Variants in TMEM245 observed in about 807,000 individuals in gnomAD.
TMEM245 encodes protein CG-2.
A neutral mutation model predicts 101.2 loss-of-function variants in TMEM245; 69 were observed. The ratio of observed to expected loss-of-function variants is 0.68; its 90% CI spans 0.56 to 0.83. TMEM245 has a LOEUF of 0.83. Ranked by LOEUF, TMEM245 falls within the 40% of genes least tolerant of loss-of-function variation. The pLI, the probability that TMEM245 is intolerant of heterozygous loss-of-function variation, is 0.00. For synonymous variants in TMEM245, 537 were observed against 449.8 expected (o/e 1.19, Z -2.45); for missense variants, 1,075 against 1,092.8 (o/e 0.98, Z 0.23).
chr9:109,017,449 AACTCAAACAGC>A lies in TMEM245; in HGVS notation c.*3000_*3010del, dbSNP rs1391379074. 1 of 152,198 alleles carries A rather than the reference AACTCAAACAGC, an allele frequency of 6.6e-6. No homozygotes were observed. Among genetic ancestry groups the A allele is most frequent in the African/African-American group, 2.4e-5 (1 of 41,454 alleles). 9.4% of individuals were successfully genotyped at this position (152,198 alleles called of 1,614,324 possible). ...GAACAGATATTGATAGGAACTTCAG[AACTCAAACAGC>A]ACTCACATAACATGGAATTTATGCT... On this transcript the variant is annotated 3_prime_UTR_variant, in exon 18 of 18. Coordinates refer to ENST00000374586, the MANE Select transcript of TMEM245 (RefSeq NM_032012.4).
At chr9:109,054,354 AACACC>A (rs1164573903) in intron 12 of TMEM245, among the ~76,000 whole-genome samples, 1 of 152,216 alleles carries the variant, frequency 6.6e-6, no homozygotes, top group Admixed American at 6.5e-5. Flanking sequence ...TTGAGGACCT[AACACC>A]ATACTAAATT....
intron 12 of TMEM245, among the ~76,000 whole-genome samples, chr9:109,055,077 C>T (rs529652757): frequency 6.6e-6 from 1 of 152,100 alleles, no homozygotes; most frequent in African/African-American, 2.4e-5. Context: ...CTTCTCTTTC[C>T]GTAAGAATTT....
intron 8 of TMEM245, among the ~76,000 whole-genome samples, chr9:109,078,866 T>TG (rs1466597128): frequency 6.6e-6 from 1 of 152,214 alleles, no homozygotes; most frequent in Non-Finnish European, 1.5e-5. Context: ...TCTCATCTTC[T>TG]GGGATGCTTA....
At position 109,113,083 on chromosome 9, in the gene TMEM245, C is replaced by T. The variant is rs1276306128; in HGVS notation, c.580-4513G>A. On this transcript the variant is annotated intron_variant, in intron 1 of 17. Transcript: ENST00000374586. ...AGAGCAAGGCTCCATCTCAGCGGGG[C>T]CAGGGGCAGGGCGGGGGAAGGAAAG... 2.0e-5 allele frequency among the ~76,000 whole-genome samples: 3 copies of T among 152,082 alleles called. No individual in the cohort carries two copies. The East Asian group carries it at 5.8e-4, about 29-fold the overall frequency.
intron 12 of TMEM245, among the ~76,000 whole-genome samples, chr9:109,052,863 T>C (rs1193623366): frequency 6.6e-6 from 1 of 152,200 alleles, no homozygotes; most frequent in East Asian, 1.9e-4. Context: ...TATCTTGTGG[T>C]AATTCTTAAG....
chr9:109,116,625 G>A (rs1830730965), intron 1 of TMEM245, among the ~76,000 whole-genome samples: 1 of 151,692 alleles, frequency 6.6e-6, no homozygotes, highest in Non-Finnish European at 1.5e-5. Context: ...TCCAACTCTT[G>A]GGTTCAAGAG....
At chr9:109,096,135 A>T (rs1353499475) in intron 3 of TMEM245, among the ~76,000 whole-genome samples, 3 of 152,226 alleles carry the variant, frequency 2.0e-5, no homozygotes, top group Non-Finnish European at 4.4e-5. Context: ...GCAGAGCTGG[A>T]TGAAGATTCT....
chr9:109,062,655 G>A (rs1588044454), intron 10 of TMEM245, among the ~76,000 whole-genome samples: 1 of 152,162 alleles, frequency 6.6e-6, no homozygotes, highest in African/African-American at 2.4e-5. Context: ...TTCATAAACT[G>A]AAAACTAAAT....
chr9:109,031,361 A>G (rs895493165), intron 17 of TMEM245, among the ~76,000 whole-genome samples: 1 of 152,240 alleles, frequency 6.6e-6, no homozygotes, highest in African/African-American at 2.4e-5. Context: ...CCAAATATCT[A>G]TTAGTCCTAC....
chr9:109,060,228 T>A, intron 11 of TMEM245, 126 bp downstream of exon 11: 2 of 686,130 alleles, frequency 2.9e-6, no homozygotes, highest in Non-Finnish European at 4.8e-6. Context: ...ACCTGAGGCT[T>A]AAGGTTTTGC....
intron 14 of TMEM245, chr9:109,046,408 C>A: frequency 2.5e-6 from 1 of 406,806 alleles, no homozygotes; most frequent in South Asian, 1.9e-5. Flanking sequence ...AGGATGCATG[C>A]CACTGACTCA....
At chr9:109,068,317 C>G (rs1829231016) in intron 9 of TMEM245, among the ~76,000 whole-genome samples, 1 of 150,714 alleles carries the variant, frequency 6.6e-6, no homozygotes, top group Non-Finnish European at 1.5e-5. Context: ...TTGCATTGAG[C>G]CAAGATCGCG....
intron 1 of TMEM245, among the ~76,000 whole-genome samples, chr9:109,118,175 C>G (rs1830780516): frequency 6.6e-6 from 1 of 152,204 alleles, no homozygotes; most frequent in South Asian, 2.1e-4. Context: ...AAGCCCAACA[C>G]CTAACATATG....
Position 109,015,274 on chromosome 9 carries a change from T to C in TMEM245, c.*5186A>G, listed in dbSNP as rs1026607720. ...AGCATTTGTGTGAGAACAGAGGGTATTTATTGTATTCGAATATTCTTTTTT... is the reference window on the plus strand; with the variant it reads ...AGCATTTGTGTGAGAACAGAGGGTACTTATTGTATTCGAATATTCTTTTTT... On this transcript the variant is annotated 3_prime_UTR_variant, in exon 18 of 18. Transcript: ENST00000374586. The C allele has an allele frequency of 6.6e-6, 1 of 152,208 alleles. No homozygotes were observed. The highest frequency in any genetic ancestry group is 2.4e-5 in the African/African-American group (1 of 41,444). The allele number at this position is 152,208 out of a possible 1,614,324, so 9.4% of individuals were successfully genotyped here.
intron 14 of TMEM245, among the ~76,000 whole-genome samples, chr9:109,050,002 G>A (rs1306276331): frequency 6.6e-6 from 1 of 152,070 alleles, no homozygotes; most frequent in Non-Finnish European, 1.5e-5. Flanking sequence ...ATGTTGTCCA[G>A]GCTGATCTCA....
intron 14 of TMEM245, among the ~76,000 whole-genome samples, chr9:109,044,457 C>G (rs1828413203): frequency 6.6e-6 from 1 of 152,112 alleles, no homozygotes. Flanking sequence ...AAGTGAAATT[C>G]TGCCTCCTCC....
intron 6 of TMEM245, among the ~76,000 whole-genome samples, chr9:109,086,920 A>G (rs10217577): frequency 0.038 from 5,795 of 152,324 alleles, 386 homozygotes; most frequent in African/African-American, 0.13. Context: ...TGGTCCTAAT[A>G]TAATGAAGGA....
chr9:109,072,036 CAT>C (rs753464485), intron 9 of TMEM245, among the ~76,000 whole-genome samples: 7 of 152,170 alleles, frequency 4.6e-5, no homozygotes, highest in Admixed American at 2.0e-4. Context: ...AATGAGTAGA[CAT>C]AGGTATGTTC....
chr9:109,055,999 A>C (rs1828823247), intron 12 of TMEM245, among the ~76,000 whole-genome samples: 1 of 152,244 alleles, frequency 6.6e-6, no homozygotes, highest in Admixed American at 6.5e-5. Flanking sequence ...AAGAGACAGA[A>C]AACAGAAAAG....
Sources: gnomAD v4.1 joint callset for allele counts (sites outside exome capture counted in the v4.1 genomes callset) on GRCh38, gnomAD v4.1.1 for gene constraint, MANE v1.5 for transcripts, NCBI Gene and HGNC (gene_info 2026-07-23, HGNC 2026-07-21) for gene names.